RSPO2: variants seen among roughly 807,000 people sequenced by gnomAD.
RSPO2 encodes the protein R-spondin 2, also known as R-spondin-2.
In RSPO2, 14 loss-of-function variants were observed where a neutral mutation model predicts 30.9. That is an observed-to-expected ratio of 0.45 (90% CI 0.30 to 0.71). RSPO2 has a LOEUF of 0.71. Among genes scored for constraint, RSPO2 ranks in the 30% least tolerant of loss-of-function variants. The probability of loss-of-function intolerance (pLI) is 0.08; values close to 1 mark genes in which losing one functional copy is unlikely to be tolerated. For missense variants in RSPO2, 264 were observed against 301.9 expected (o/e 0.87, Z 0.93); for synonymous variants, 107 against 96.4 (o/e 1.11, Z -0.64).
At chr8:108,064,330 G>GA (rs931926617) in intron 2 of RSPO2, among the ~76,000 whole-genome samples, 3 of 151,682 alleles carry the variant, frequency 2.0e-5, no homozygotes, top group African/African-American at 7.3e-5. Context: ...AAATTTACAA[G>GA]AAAAAAACAA....
chr8:107,947,936 G>A (rs375947758), intron 5 of RSPO2, among the ~76,000 whole-genome samples: 1 of 152,216 alleles, frequency 6.6e-6, no homozygotes, highest in East Asian at 1.9e-4. Context: ...GCACATTCTG[G>A]TGTATCTTTC....
chr8:108,010,736 C>T (rs973512044), intron 2 of RSPO2, among the ~76,000 whole-genome samples: 2 of 152,090 alleles, frequency 1.3e-5, no homozygotes, highest in Admixed American at 6.6e-5. Context: ...AGGTCTCCAT[C>T]GCTTTCCCTC....
intron 2 of RSPO2, among the ~76,000 whole-genome samples, chr8:108,030,119 GAAAAAAAAAAAAAA>G (rs11434221): frequency 1.4e-5 from 1 of 70,992 alleles, no homozygotes; most frequent in African/African-American, 5.0e-5. Context: ...GGATAGATAG[GAAAAAAAAAAAAAA>G]AAAAAAAAAA....
At chr8:107,941,628 C>G (rs1433581921) in intron 5 of RSPO2, among the ~76,000 whole-genome samples, 1 of 152,156 alleles carries the variant, frequency 6.6e-6, no homozygotes, top group South Asian at 2.1e-4. Flanking sequence ...CTATAAGAGA[C>G]CACTCTGACC....
At chr8:108,082,913 A>C in intron 1 of RSPO2, 106 bp from the exon 2 acceptor site, 2 of 450,782 alleles carry the variant, frequency 4.4e-6, no homozygotes, top group South Asian at 7.4e-5. Flanking sequence ...GGAAGGAGGA[A>C]GCGAACCCAC....
chr8:107,988,962 AT>A lies in RSPO2; in HGVS notation c.283+93del, dbSNP rs201531894. The A allele has an allele frequency of 1.9e-4, 235 of 1,205,210 alleles. 1 individual carries two copies. In the African/African-American group the frequency reaches 2.6e-3, roughly 14 times the overall value. 74.7% of individuals were successfully genotyped at this position (1,205,210 alleles called of 1,614,324 possible). A position where few individuals can be genotyped will look rare whatever the true frequency, so the allele number is the denominator to read the frequency against. On this transcript the variant is annotated intron_variant, in intron 3 of 5. Transcript: ENST00000276659. ...TATTTCTATCACCTATTACAAACACATTTTTTTTAAAAAAATCATTCAAAAT... is the reference window on the plus strand; with the variant it reads ...TATTTCTATCACCTATTACAAACACATTTTTTTAAAAAAATCATTCAAAAT...
chr8:108,069,674 C>A (rs1158447883), intron 2 of RSPO2, among the ~76,000 whole-genome samples: 1 of 152,212 alleles, frequency 6.6e-6, no homozygotes, highest in Non-Finnish European at 1.5e-5. Flanking sequence ...GGTTAGCCTA[C>A]CACCTGTCTT....
chr8:108,018,320 T>C (rs1013789080), intron 2 of RSPO2, among the ~76,000 whole-genome samples: 8 of 152,178 alleles, frequency 5.3e-5, no homozygotes, highest in African/African-American at 1.9e-4. Flanking sequence ...AGAATGCCTA[T>C]AGTAATGACA....
At chr8:108,060,221 C>T (rs953576066) in intron 2 of RSPO2, among the ~76,000 whole-genome samples, 23 of 151,528 alleles carry the variant, frequency 1.5e-4, no homozygotes, top group Admixed American at 1.1e-3. Flanking sequence ...AGGCTTCAGA[C>T]GATCAAACTT....
At chr8:107,975,945 C>A (rs975350630) in intron 3 of RSPO2, among the ~76,000 whole-genome samples, 2 of 152,156 alleles carry the variant, frequency 1.3e-5, no homozygotes, top group Admixed American at 1.3e-4. Flanking sequence ...AGGGTGTCCA[C>A]CCCATCAAGT....
chr8:108,056,826 G>T (rs369275477), intron 2 of RSPO2, among the ~76,000 whole-genome samples: 10 of 150,502 alleles, frequency 6.6e-5, no homozygotes, highest in South Asian at 2.1e-4. Context: ...GAGGCCAAGG[G>T]GGGTGGATCA....
intron 3 of RSPO2, among the ~76,000 whole-genome samples, chr8:107,971,328 A>C (rs1813992951): frequency 2.0e-5 from 3 of 152,240 alleles, no homozygotes; most frequent in Non-Finnish European, 4.4e-5. Flanking sequence ...AAATAAAAGT[A>C]AAATGTTTTG....
intron 5 of RSPO2, among the ~76,000 whole-genome samples, chr8:107,906,511 A>G (rs1811651004): frequency 6.6e-6 from 1 of 151,986 alleles, no homozygotes. Context: ...ATACAAAAGC[A>G]TTCCTACTAT....
chr8:108,057,771 C>A (rs73307374), intron 2 of RSPO2, among the ~76,000 whole-genome samples: 2 of 151,970 alleles, frequency 1.3e-5, no homozygotes, highest in Non-Finnish European at 2.9e-5. Flanking sequence ...TGCAATATAA[C>A]CAGTTTCTTC....
Position 107,997,914 on chromosome 8 carries a change from G to A in RSPO2, c.95-8670C>T, listed in dbSNP as rs375657385. Among the ~76,000 whole-genome samples, 245 of 152,182 alleles carry A rather than the reference G, an allele frequency of 1.6e-3. 3 individuals are homozygous for A. The South Asian group carries it at 0.03, about 19-fold the overall frequency. ...CCTGACTTTTAAAAAAATGTGTTCC[G>A]TTGTTTCTGCAGTTAGCCCTTGCCA... On this transcript the variant is annotated intron_variant, in intron 2 of 5. Transcript: ENST00000276659.
chr8:108,046,173 A>G (rs1357956817), intron 2 of RSPO2, among the ~76,000 whole-genome samples: 2 of 152,172 alleles, frequency 1.3e-5, no homozygotes, highest in Admixed American at 1.3e-4. Flanking sequence ...ATGAGCAGCT[A>G]TAATTTAGGC....
At chr8:108,050,863 C>A (rs1436916369) in intron 2 of RSPO2, among the ~76,000 whole-genome samples, 2 of 152,104 alleles carry the variant, frequency 1.3e-5, no homozygotes, top group Admixed American at 1.3e-4. Context: ...AAAGAATCCT[C>A]TGGGTTGGGG....
chr8:107,997,048 C>A, intron 2 of RSPO2: 1 of 284,466 alleles, frequency 3.5e-6, no homozygotes, highest in Admixed American at 4.7e-5. Context: ...CTGCTCAGTG[C>A]TGAAGGACAA....
intron 2 of RSPO2, among the ~76,000 whole-genome samples, chr8:108,005,486 A>G (rs2130571514): frequency 6.6e-6 from 1 of 152,124 alleles, no homozygotes; most frequent in African/African-American, 2.4e-5. Context: ...ATTAGTGGGC[A>G]TGCTAGTTTT....
Sources: allele counts gnomAD v4.1 joint callset (sites outside exome capture counted in the v4.1 genomes callset), GRCh38; gene constraint gnomAD v4.1.1; transcripts MANE v1.5; gene names NCBI Gene and HGNC (gene_info 2026-07-23, HGNC 2026-07-21).